The following DAB1 variants were observed in gnomAD, a reference collection of about 807,000 sequenced individuals.
DAB1 encodes disabled homolog 1.
DAB1 carries 15 observed loss-of-function variants against 64.6 expected under a neutral mutation model. The ratio of observed to expected loss-of-function variants is 0.23; its 90% CI spans 0.16 to 0.36. DAB1 has a LOEUF of 0.36. DAB1 is among the 10% of genes least tolerant of loss of function. DAB1 has a pLI of 1.00. For synonymous variants in DAB1, 235 were observed against 251.9 expected, an observed-to-expected ratio of 0.93 and a Z score of 0.64; for missense variants, 596 against 706.7, an observed-to-expected ratio of 0.84 and a Z score of 1.78.
At chr1:57,073,850 G>A (rs1294650715) in intron 4 of DAB1, among the ~76,000 whole-genome samples, 1 of 152,180 alleles carries the variant, frequency 6.6e-6, no homozygotes, top group Non-Finnish European at 1.5e-5. Context: ...ATTTCTATGT[G>A]CATGCAAATG....
intron 4 of DAB1, among the ~76,000 whole-genome samples, chr1:58,300,610 A>AAGAGAGAGAG (rs770388855): frequency 6.4e-5 from 3 of 47,060 alleles, no homozygotes; most frequent in Non-Finnish European, 9.5e-5. Flanking sequence ...GAAAGAAAGA[A>AAGAGAGAGAG]AGAGAGAGAG....
intron 1 of DAB1, among the ~76,000 whole-genome samples, chr1:57,856,634 C>T (rs1031032184): frequency 2.4e-4 from 36 of 151,906 alleles, no homozygotes; most frequent in African/African-American, 7.2e-4. Flanking sequence ...GATGGTGGTG[C>T]GCACCTGTAA....
chr1:57,824,944 G>A (rs1652280404), downstream of DAB1, among the ~76,000 whole-genome samples: 1 of 152,168 alleles, frequency 6.6e-6, no homozygotes, highest in East Asian at 1.9e-4. Context: ...GTGGCCTTGG[G>A]GGAGTGCTTC....
At chr1:57,649,317 C>T (rs979890657) in intron 7 of DAB1, among the ~76,000 whole-genome samples, 1 of 152,028 alleles carries the variant, frequency 6.6e-6, no homozygotes, top group Admixed American at 6.6e-5. Context: ...GGCAGGAAAA[C>T]CTAAGGATCC....
chr1:57,840,101 A>C (rs989662205), intron 1 of DAB1, among the ~76,000 whole-genome samples: 3 of 152,210 alleles, frequency 2.0e-5, no homozygotes, highest in Non-Finnish European at 4.4e-5. Flanking sequence ...GTTATTGATA[A>C]AACACCTGTT....
At chr1:58,530,755 C>T (rs2271005) in intron 1 of DAB1, 100,833 of 865,166 alleles carry the variant, frequency 0.12, 6,263 homozygotes, top group African/African-American at 0.19. Flanking sequence ...ATAATAAAAA[C>T]TACATTTTAT....
chr1:57,764,505 A>G (rs2101822123), intron 6 of DAB1, among the ~76,000 whole-genome samples: 1 of 152,312 alleles, frequency 6.6e-6, no homozygotes, highest in African/African-American at 2.4e-5. Flanking sequence ...AATGATGAAT[A>G]TAGGAACACT....
chr1:57,195,836 G>T (rs545164598), intron 2 of DAB1, among the ~76,000 whole-genome samples: 13 of 152,242 alleles, frequency 8.5e-5, no homozygotes, highest in Non-Finnish European at 1.3e-4. Flanking sequence ...TTGACAATTG[G>T]TGGCTATTAC....
intron 1 of DAB1, among the ~76,000 whole-genome samples, chr1:57,403,836 T>C (rs922588356): frequency 3.9e-5 from 6 of 152,164 alleles, no homozygotes; most frequent in South Asian, 2.1e-4. Context: ...TAAAATTAAA[T>C]GTAGAAAATT....
intron 6 of DAB1, among the ~76,000 whole-genome samples, chr1:57,784,612 T>G (rs1255557412): frequency 1.3e-5 from 2 of 152,128 alleles, no homozygotes; most frequent in Non-Finnish European, 2.9e-5. Flanking sequence ...ATCCAAAGCA[T>G]AATCCAGAGC....
At chr1:57,573,950 G>A (rs1030207139) in intron 7 of DAB1, among the ~76,000 whole-genome samples, 1 of 152,216 alleles carries the variant, frequency 6.6e-6, no homozygotes, top group Admixed American at 6.5e-5. Flanking sequence ...GAAGGGGAAA[G>A]TGGTCTCACA....
At chr1:58,132,290 T>A (rs1480112020) in intron 5 of DAB1, among the ~76,000 whole-genome samples, 1 of 152,188 alleles carries the variant, frequency 6.6e-6, no homozygotes, top group African/African-American at 2.4e-5. Context: ...GCTTCCCAAG[T>A]GAGGCAATGC....
At chr1:58,178,934 G>A (rs1007888764) in intron 4 of DAB1, among the ~76,000 whole-genome samples, 1 of 152,010 alleles carries the variant, frequency 6.6e-6, no homozygotes, top group Non-Finnish European at 1.5e-5. Context: ...CATTAAGTAC[G>A]ACATTAGCTA....
rs1338252606 is a variant in DAB1 at position 57,194,525 on chromosome 1, T to C, written c.68-49096A>G. Among the ~76,000 whole-genome samples the C allele has an allele frequency of 5.3e-5, 8 of 152,322 alleles. No homozygotes were observed. In the South Asian group the frequency reaches 8.3e-4, roughly 16 times the overall value. On this transcript the variant is annotated intron_variant, in intron 2 of 14. Transcript: ENST00000371236. ...GCAGTCCCACAACAAGTGGGCCAGA[T>C]AAAGTTCTTCCTCCAACATACTATA...
chr1:58,343,882 A>G (rs1643967320), intron 3 of DAB1, among the ~76,000 whole-genome samples: 1 of 152,210 alleles, frequency 6.6e-6, no homozygotes, highest in South Asian at 2.1e-4. Context: ...GAGGAGAAAC[A>G]TTGCTGTTTA....
chr1:58,388,418 C>T (rs990826518), intron 3 of DAB1, among the ~76,000 whole-genome samples: 3 of 152,188 alleles, frequency 2.0e-5, no homozygotes, highest in Non-Finnish European at 4.4e-5. Context: ...GAGACAGACT[C>T]CACGGTCATG....
At chr1:57,854,407 G>A (rs1285815034) in intron 1 of DAB1, among the ~76,000 whole-genome samples, 3 of 152,178 alleles carry the variant, frequency 2.0e-5, no homozygotes, top group African/African-American at 7.2e-5. Context: ...GTGAGAGGAA[G>A]AGCCCAACAT....
intron 2 of DAB1, among the ~76,000 whole-genome samples, chr1:57,160,267 C>A (rs1175944834): frequency 1.3e-5 from 2 of 152,188 alleles, no homozygotes; most frequent in Non-Finnish European, 2.9e-5. Flanking sequence ...TATGTAAGTT[C>A]TTTTTCATTG....
intron 7 of DAB1, among the ~76,000 whole-genome samples, chr1:57,468,199 G>A (rs1459278715): frequency 6.6e-6 from 1 of 152,172 alleles, no homozygotes; most frequent in Admixed American, 6.5e-5. Flanking sequence ...GAAGAGCTCA[G>A]TGAGTGAGTC....
Sources: allele counts gnomAD v4.1 joint callset (sites outside exome capture counted in the v4.1 genomes callset), GRCh38; gene constraint gnomAD v4.1.1; transcripts MANE v1.5; gene names NCBI Gene and HGNC (gene_info 2026-07-23, HGNC 2026-07-21).